Variants in NT5DC1 observed in about 807,000 individuals in gnomAD.
The protein encoded by NT5DC1 is 5'-nucleotidase domain-containing protein 1.
In NT5DC1, 42 loss-of-function variants were observed where a neutral mutation model predicts 59.4. That is an observed-to-expected ratio of 0.71 (90% CI 0.55 to 0.92). The LOEUF is 0.92. Ranked by LOEUF, NT5DC1 falls within the 40% of genes least tolerant of loss-of-function variation. The pLI is 0.00. For synonymous variants in NT5DC1, 172 were observed against 188.1 expected (o/e 0.91, Z 0.70); for missense variants, 501 against 537.1 (o/e 0.93, Z 0.66).
chr6:116,200,744 C>G (rs1008051280), intron 6 of NT5DC1, among the ~76,000 whole-genome samples: 1 of 151,980 alleles, frequency 6.6e-6, no homozygotes, highest in African/African-American at 2.4e-5. Flanking sequence ...CATCTCTTCT[C>G]CCACTAGCTT....
intron 6 of NT5DC1, among the ~76,000 whole-genome samples, chr6:116,164,908 C>A (rs1780426708): frequency 6.6e-6 from 1 of 151,718 alleles, no homozygotes; most frequent in Admixed American, 6.6e-5. Flanking sequence ...ATGGTGAAAC[C>A]CCGTCTCTAC....
intron 6 of NT5DC1, chr6:116,137,243 A>T (rs944721194): frequency 6.4e-6 from 1 of 157,222 alleles, no homozygotes; most frequent in African/African-American, 2.4e-5. Flanking sequence ...GACTCAGACC[A>T]GATTTCAACA....
chr6:116,196,904 C>T (rs1448481436), intron 6 of NT5DC1, among the ~76,000 whole-genome samples: 1 of 151,574 alleles, frequency 6.6e-6, no homozygotes, highest in African/African-American at 2.4e-5. Flanking sequence ...CTCTTCTACT[C>T]TGGTGTTGGA....
rs1780449820 is a variant in NT5DC1 at position 116,165,825 on chromosome 6, G to C, written c.529+47880G>C. 2.6e-5 allele frequency among the ~76,000 whole-genome samples: 4 copies of C among 152,236 alleles called. No homozygotes were observed. The South Asian group carries it at 8.3e-4, about 31-fold the overall frequency. Reference sequence around the variant, plus strand: ...GGTCCCCTGTGGTTGTCAAGTCAGAGCAGGTTCTGGGCTATGTTTGCAGGG... The same window carrying C: ...GGTCCCCTGTGGTTGTCAAGTCAGACCAGGTTCTGGGCTATGTTTGCAGGG... On this transcript the variant is annotated intron_variant, in intron 6 of 11. Coordinates refer to ENST00000319550, the MANE Select transcript of NT5DC1 (RefSeq NM_152729.3).
At chr6:116,214,798 T>C (rs957761307) in intron 6 of NT5DC1, among the ~76,000 whole-genome samples, 2 of 151,794 alleles carry the variant, frequency 1.3e-5, no homozygotes, top group Non-Finnish European at 2.9e-5. Context: ...TGTGCACATG[T>C]ACCCTAAAAC....
intron 6 of NT5DC1, chr6:116,137,108 G>T: frequency 4.6e-6 from 1 of 217,026 alleles, no homozygotes; most frequent in South Asian, 9.1e-5. Context: ...TTTGCTTGAT[G>T]AAATACCACA....
At chr6:116,242,219 A>C (rs1198237578) in intron 11 of NT5DC1, among the ~76,000 whole-genome samples, 2 of 150,930 alleles carry the variant, frequency 1.3e-5, no homozygotes, top group African/African-American at 4.9e-5. Flanking sequence ...AAAATACAAA[A>C]AATTAGCCGG....
chr6:116,236,038 A>G (rs1016775293), intron 8 of NT5DC1, among the ~76,000 whole-genome samples: 1 of 152,100 alleles, frequency 6.6e-6, no homozygotes, highest in East Asian at 1.9e-4. Flanking sequence ...TGTATACACA[A>G]CCTCTGTATC....
chr6:116,190,930 G>T (rs1781102986), intron 6 of NT5DC1, among the ~76,000 whole-genome samples: 1 of 151,926 alleles, frequency 6.6e-6, no homozygotes, highest in African/African-American at 2.4e-5. Context: ...ATGAATACAA[G>T]GAAATCCTGG....
chr6:116,192,884 G>C lies in NT5DC1; in HGVS notation c.530-28170G>C, dbSNP rs566521508. Reference sequence around the variant, plus strand: ...GTCTCAACTTCCCCTGCTTTCTCACGTTGCATCTTCAGCAGACCCCAGTTG... The same window carrying C: ...GTCTCAACTTCCCCTGCTTTCTCACCTTGCATCTTCAGCAGACCCCAGTTG... On this transcript the variant is annotated intron_variant, in intron 6 of 11. Coordinates refer to ENST00000319550, the MANE Select transcript of NT5DC1 (RefSeq NM_152729.3). 1.5e-3 allele frequency among the ~76,000 whole-genome samples: 222 copies of C among 152,094 alleles called. 2 individuals are homozygous for C. Among genetic ancestry groups the C allele is most frequent in the African/African-American group, 5.3e-3 (221 of 41,520 alleles).
intron 8 of NT5DC1, among the ~76,000 whole-genome samples, chr6:116,228,528 G>T (rs1475733674): frequency 6.6e-6 from 1 of 151,862 alleles, no homozygotes; most frequent in Non-Finnish European, 1.5e-5. Context: ...AAGAAGAAAA[G>T]TTTAGCTCAT....
intron 6 of NT5DC1, chr6:116,121,022 C>T (rs746215288): frequency 1.2e-6 from 2 of 1,614,018 alleles, no homozygotes; most frequent in South Asian, 2.2e-5. Context: ...CCCAGCTGGC[C>T]CTGTCTCACC....
chr6:116,144,132 A>G (rs1289135849), intron 6 of NT5DC1, among the ~76,000 whole-genome samples: 2 of 152,174 alleles, frequency 1.3e-5, no homozygotes, highest in Non-Finnish European at 2.9e-5. Context: ...ATATTTGGAT[A>G]TTCTGGGGAT....
intron 4 of NT5DC1, among the ~76,000 whole-genome samples, chr6:116,113,889 T>A (rs1208035624): frequency 6.6e-6 from 1 of 152,194 alleles, no homozygotes; most frequent in African/African-American, 2.4e-5. Context: ...ACCATGAAGT[T>A]GGGTCAGTCT....
intron 7 of NT5DC1, among the ~76,000 whole-genome samples, chr6:116,222,637 A>G (rs1213162544): frequency 1.3e-5 from 2 of 152,218 alleles, no homozygotes; most frequent in African/African-American, 4.8e-5. Flanking sequence ...TGTGGGACCC[A>G]TGTAACACAC....
chr6:116,158,454 A>G (rs1164943046), intron 6 of NT5DC1, among the ~76,000 whole-genome samples: 1 of 152,228 alleles, frequency 6.6e-6, no homozygotes. Flanking sequence ...AAACTTAGCA[A>G]TCTTATGAGA....
chr6:116,231,631 T>C (rs1469726616), intron 8 of NT5DC1, among the ~76,000 whole-genome samples: 6 of 152,226 alleles, frequency 3.9e-5, no homozygotes, highest in Admixed American at 3.9e-4. Flanking sequence ...TGAATTGTAT[T>C]TCTAGCTCAG....
intron 8 of NT5DC1, among the ~76,000 whole-genome samples, chr6:116,233,903 T>C (rs955364318): frequency 3.3e-5 from 5 of 151,976 alleles, no homozygotes; most frequent in African/African-American, 1.2e-4. Flanking sequence ...CAAATTATCA[T>C]CACCATCTAT....
chr6:116,110,126 G>C (rs748884702), intron 3 of NT5DC1, among the ~76,000 whole-genome samples: 1 of 152,196 alleles, frequency 6.6e-6, no homozygotes, highest in Non-Finnish European at 1.5e-5. Context: ...TATGCCCTTA[G>C]TATTTTTCAA....
Sources: gnomAD v4.1 joint callset for allele counts (sites outside exome capture counted in the v4.1 genomes callset) on GRCh38, gnomAD v4.1.1 for gene constraint, MANE v1.5 for transcripts, NCBI Gene and HGNC (gene_info 2026-07-23, HGNC 2026-07-21) for gene names.